DOCK8: variants seen among roughly 807,000 people sequenced by gnomAD.
The protein encoded by DOCK8 is dedicator of cytokinesis protein 8.
Under a neutral mutation model 245.6 loss-of-function variants are expected in DOCK8, and 141 were observed. The observed-to-expected ratio is 0.57, with a 90% CI of 0.50 to 0.66. The LOEUF (loss-of-function observed/expected upper bound fraction) is 0.66. Among genes scored for constraint, DOCK8 ranks in the 30% least tolerant of loss-of-function variants. The probability of loss-of-function intolerance (pLI) is 0.00; values close to 1 mark genes in which losing one functional copy is unlikely to be tolerated. For synonymous variants in DOCK8, 1,168 were observed against 970.2 expected (o/e 1.20, Z -3.79); for missense variants, 2,965 against 2,603.4 (o/e 1.14, Z -3.02).
At chr9:247,054 A>T (rs991358945) in intron 1 of DOCK8, among the ~76,000 whole-genome samples, 1 of 152,230 alleles carries the variant, frequency 6.6e-6, no homozygotes, top group Non-Finnish European at 1.5e-5. Context: ...TGAGGATCAC[A>T]TGCGAGCTAC....
chr9:446,536 A>T lies in DOCK8; in HGVS notation c.5747A>T (p.Asn1916Ile), dbSNP rs977823599. 2.5e-6 allele frequency: 4 copies of T among 1,614,094 alleles called. No homozygotes were observed. Among genetic ancestry groups the T allele is most frequent in the Non-Finnish European group, 3.4e-6 (4 of 1,180,044 alleles). The change falls in exon 44 of 48, where the codon AAC becomes ATC. Residue 1916 changes from asparagine (N) to isoleucine (I), a missense_variant. Physicochemically the swap from Asn to Ile is moderately radical, Grantham distance 149. This residue lies in a region of DOCK8 where 2,825 missense variants were observed against 2,453.5 expected (regional missense o/e 1.15). Coordinates refer to ENST00000432829, the MANE Select transcript of DOCK8 (RefSeq NM_203447.4). ...GAGCTGCATGAGCAGTACAGAAGGA[A>T]CACAGTCCTGACCACTATGCACGCC... ...RGELHEQYRR[N>I]TVLTTMHAFP...
chr9:340,171 T>C lies in DOCK8; in HGVS notation c.1529T>C (p.Leu510Pro). Reference protein sequence around the residue: ...RVKSIPGLLRLEISTAPEIIN... With the variant: ...RVKSIPGLLRPEISTAPEIIN... ...TTTCTCTCTTTAGGCTTGCTAAGAC[T>C]GGAGATTTCTACAGCTCCAGAGATC... is the stretch of plus-strand genomic sequence containing the variant. The change falls in exon 14 of 48, where the codon CTG becomes CCG. Residue 510 changes from leucine to proline, a missense_variant. Around this residue, in one of 3 missense-constraint regions of DOCK8, gnomAD observed 2,825 missense variants for 2,453.5 expected, o/e 1.15. Transcript: ENST00000432829. The C allele has an allele frequency of 6.2e-7, 1 of 1,614,164 alleles. No individual in the cohort carries two copies. Among genetic ancestry groups the C allele is most frequent in the Non-Finnish European group, 8.5e-7 (1 of 1,179,992 alleles).
intron 28 of DOCK8, among the ~76,000 whole-genome samples, chr9:409,534 G>C (rs2055610292): frequency 6.6e-6 from 1 of 151,838 alleles, no homozygotes; most frequent in African/African-American, 2.4e-5. Flanking sequence ...TATTTTGTTT[G>C]AAAGAAAAAA....
chr9:271,588 A>G (rs2129938866), intron 1 of DOCK8, 39 bp from the exon 2 acceptor site: 1 of 1,420,944 alleles, frequency 7.0e-7, no homozygotes. Context: ...GATTTCCTAA[A>G]ATAATCATTT....
At chr9:235,701 G>C (rs895899047) in intron 1 of DOCK8, among the ~76,000 whole-genome samples, 2 of 152,228 alleles carry the variant, frequency 1.3e-5, no homozygotes, top group Non-Finnish European at 2.9e-5. Context: ...GACCCTCTGA[G>C]CCATGTGTGG....
intron 28 of DOCK8, 74 bp downstream of exon 28, chr9:407,143 C>T (rs953326784): frequency 6.3e-7 from 1 of 1,592,076 alleles, no homozygotes; most frequent in Middle Eastern, 1.7e-4. Flanking sequence ...TGCAGTCTAG[C>T]TTCTCACACT....
intron 1 of DOCK8, among the ~76,000 whole-genome samples, chr9:218,195 C>A (rs1210023243): frequency 1.3e-5 from 2 of 152,098 alleles, no homozygotes. Context: ...TTAGTACATT[C>A]AGCATGTGCT....
chr9:442,157 A>G, intron 42 of DOCK8, 148 bp downstream of exon 42: 4 of 1,121,916 alleles, frequency 3.6e-6, no homozygotes, highest in Non-Finnish European at 5.1e-6. Context: ...ATAAAAGGCA[A>G]AGTAGAAAGG....
At chr9:400,031 TCAC>T (rs1254405677) in intron 26 of DOCK8, among the ~76,000 whole-genome samples, 6,860 of 57,646 alleles carry the variant, frequency 0.12, 269 homozygotes, top group African/African-American at 0.19. Context: ...ACCTCCACCA[TCAC>T]CACCACCACC....
chr9:303,498 G>T (rs1415525654), intron 4 of DOCK8, among the ~76,000 whole-genome samples: 2 of 152,136 alleles, frequency 1.3e-5, no homozygotes, highest in African/African-American at 4.8e-5. Context: ...CAGCAACATG[G>T]ATGCAGCTGG....
chr9:227,297 TA>T (rs2047011538), intron 1 of DOCK8, among the ~76,000 whole-genome samples: 1 of 152,232 alleles, frequency 6.6e-6, no homozygotes, highest in South Asian at 2.1e-4. Context: ...GATGATTTTT[TA>T]CTTCCCTCGT....
chr9:347,771 C>T (rs2051973322), intron 14 of DOCK8, among the ~76,000 whole-genome samples: 1 of 152,166 alleles, frequency 6.6e-6, no homozygotes, highest in South Asian at 2.1e-4. Context: ...TTCCTAATGC[C>T]TTGCTCCAAA....
At chr9:251,700 A>T (rs1587665599) in intron 1 of DOCK8, among the ~76,000 whole-genome samples, 1 of 152,110 alleles carries the variant, frequency 6.6e-6, no homozygotes, top group African/African-American at 2.4e-5. Context: ...CCAAATTTGT[A>T]AAGTGAAGAT....
chr9:393,610 GC>G (rs548202478), intron 24 of DOCK8, among the ~76,000 whole-genome samples: 96 of 152,244 alleles, frequency 6.3e-4, no homozygotes, highest in Non-Finnish European at 1.2e-3. Context: ...GGCTTCGTTG[GC>G]CCAGGAGAGA....
intron 19 of DOCK8, among the ~76,000 whole-genome samples, chr9:376,529 A>G (rs1485577986): frequency 1.3e-5 from 2 of 152,218 alleles, no homozygotes; most frequent in African/African-American, 4.8e-5. Context: ...TAGTATCTGC[A>G]CTGTTGGTGG....
intron 14 of DOCK8, among the ~76,000 whole-genome samples, chr9:352,735 T>G (rs1216097377): frequency 2.9e-5 from 1 of 34,278 alleles, no homozygotes; most frequent in African/African-American, 7.8e-5. Flanking sequence ...TGTGAGACTC[T>G]GTCTCAAAAA....
At chr9:415,794 T>C (rs1417566446) in intron 29 of DOCK8, among the ~76,000 whole-genome samples, 2 of 152,190 alleles carry the variant, frequency 1.3e-5, no homozygotes, top group Admixed American at 6.5e-5. Context: ...TCTTGGCAGC[T>C]GAAGGGTGCT....
At chr9:301,647 A>T (rs2049550488) in intron 4 of DOCK8, among the ~76,000 whole-genome samples, 1 of 152,264 alleles carries the variant, frequency 6.6e-6, no homozygotes, top group African/African-American at 2.4e-5. Flanking sequence ...CAACTTCAGT[A>T]AAGTTTCAGG....
chr9:461,953 C>T (rs1478861057), intron 46 of DOCK8, among the ~76,000 whole-genome samples: 1 of 151,156 alleles, frequency 6.6e-6, no homozygotes. Context: ...GGATTTTATA[C>T]CTTTTATTTA....
Sources: gnomAD v4.1 joint callset for allele counts (sites outside exome capture counted in the v4.1 genomes callset) on GRCh38, gnomAD v4.1.1 for gene constraint, gnomAD v4.1.1 regional missense constraint, MANE v1.5 for transcripts, NCBI Gene and HGNC (gene_info 2026-07-23, HGNC 2026-07-21) for gene names.